PRKCE: variants seen among roughly 807,000 people sequenced by gnomAD.
PRKCE encodes protein kinase C epsilon, also known as protein kinase C epsilon type.
In PRKCE, 16 loss-of-function variants were observed where a neutral mutation model predicts 85.4. The observed-to-expected ratio is 0.19, with a 90% CI of 0.13 to 0.28. PRKCE has a LOEUF of 0.28. Ranked by LOEUF, PRKCE falls within the 10% of genes least tolerant of loss-of-function variation. PRKCE has a pLI of 1.00. For missense variants in PRKCE, 573 were observed against 975.2 expected (o/e 0.59, Z 5.49); for synonymous variants, 388 against 371.5 (o/e 1.04, Z -0.51).
intron 1 of PRKCE, among the ~76,000 whole-genome samples, chr2:45,752,054 T>A (rs1558632713): frequency 1.3e-5 from 2 of 151,192 alleles, no homozygotes; most frequent in Non-Finnish European, 2.9e-5. Flanking sequence ...GCTGACCTCG[T>A]GATCCGCCCG....
chr2:45,821,271 G>A (rs572113231), intron 1 of PRKCE, among the ~76,000 whole-genome samples: 1 of 152,334 alleles, frequency 6.6e-6, no homozygotes, highest in South Asian at 2.1e-4. Context: ...TACAAGTGGA[G>A]GTAATTATCT....
intron 2 of PRKCE, among the ~76,000 whole-genome samples, chr2:45,846,729 G>C (rs999848603): frequency 1.3e-5 from 2 of 152,176 alleles, no homozygotes; most frequent in African/African-American, 2.4e-5. Flanking sequence ...TTCAGACCTG[G>C]ATTGAAATCC....
At chr2:45,971,703 G>T (rs1022802344) in intron 2 of PRKCE, among the ~76,000 whole-genome samples, 2 of 152,196 alleles carry the variant, frequency 1.3e-5, no homozygotes, top group African/African-American at 4.8e-5. Flanking sequence ...ATACAAAGAA[G>T]CACAAGGAGA....
intron 2 of PRKCE, among the ~76,000 whole-genome samples, chr2:45,872,163 G>A (rs186199889): frequency 6.6e-6 from 1 of 152,262 alleles, no homozygotes; most frequent in Admixed American, 6.5e-5. Flanking sequence ...GATATGAACT[G>A]TAGGGGGTGG....
At chr2:45,965,144 G>A (rs557733443) in intron 2 of PRKCE, among the ~76,000 whole-genome samples, 2 of 152,286 alleles carry the variant, frequency 1.3e-5, no homozygotes, top group East Asian at 1.9e-4. Flanking sequence ...AGATAGCATC[G>A]AATAATCTCT....
chr2:46,159,440 A>T lies in PRKCE; in HGVS notation c.1921-166A>T, dbSNP rs1369631247. 4.6e-5 allele frequency among the ~76,000 whole-genome samples: 7 copies of T among 152,246 alleles called. No individual in the cohort carries two copies. The highest frequency in any genetic ancestry group is 1.7e-4 in the African/African-American group (7 of 41,466). ...TGGTGTCTGGGACATAGTCAATTCTATGTAAGAGTTAAAGAAAACCCAACA... is the reference window on the plus strand; with the variant it reads ...TGGTGTCTGGGACATAGTCAATTCTTTGTAAGAGTTAAAGAAAACCCAACA... On this transcript the variant is annotated intron_variant, in intron 13 of 14. Transcript: ENST00000306156. The surrounding 1 kb of genome is among the most constrained non-coding windows in gnomAD (Gnocchi z 4.1).
intron 10 of PRKCE, among the ~76,000 whole-genome samples, chr2:46,080,761 G>A (rs1250037228): frequency 6.6e-6 from 1 of 152,132 alleles, no homozygotes; most frequent in Non-Finnish European, 1.5e-5. Context: ...TCCTCAAGGA[G>A]CTGAACATCT....
At chr2:45,715,357 A>G (rs1165635962) in intron 1 of PRKCE, among the ~76,000 whole-genome samples, 2 of 152,200 alleles carry the variant, frequency 1.3e-5, no homozygotes, top group East Asian at 1.9e-4. Context: ...TGACCCCTTG[A>G]CACCCCTGAT....
intron 1 of PRKCE, among the ~76,000 whole-genome samples, chr2:45,830,047 T>C (rs1690281669): frequency 1.6e-5 from 2 of 124,528 alleles, no homozygotes; most frequent in Admixed American, 1.0e-4. Flanking sequence ...CACTCCAGCC[T>C]GGGCGACAGA....
chr2:46,053,518 T>G (rs1048816201), intron 10 of PRKCE, among the ~76,000 whole-genome samples: 37 of 152,178 alleles, frequency 2.4e-4, no homozygotes, highest in African/African-American at 8.4e-4. Context: ...CCTACCTCCT[T>G]CAGCCCCTGA....
intron 2 of PRKCE, among the ~76,000 whole-genome samples, chr2:45,958,635 C>A (rs1172536278): frequency 6.7e-6 from 1 of 149,994 alleles, no homozygotes; most frequent in Non-Finnish European, 1.5e-5. Flanking sequence ...ATGCTCCCTG[C>A]CATATATATT....
chr2:46,082,122 GC>G (rs1669138607), intron 10 of PRKCE, among the ~76,000 whole-genome samples: 1 of 152,024 alleles, frequency 6.6e-6, no homozygotes, highest in South Asian at 2.1e-4. Flanking sequence ...AGAGGAGGAA[GC>G]GGGGTGGGTT....
chr2:45,749,736 G>A (rs374242850), intron 1 of PRKCE, among the ~76,000 whole-genome samples: 3 of 152,214 alleles, frequency 2.0e-5, no homozygotes, highest in East Asian at 1.9e-4. Context: ...TTCACAGCTG[G>A]TAGATGATGG....
chr2:46,137,548 C>T (rs34606309), intron 11 of PRKCE, among the ~76,000 whole-genome samples: 34,618 of 148,628 alleles, frequency 0.23, 4,273 homozygotes, highest in Middle Eastern at 0.38. Flanking sequence ...GTCAGGAGTT[C>T]GAGACCAGCC....
chr2:45,771,656 A>G (rs1434205569), intron 1 of PRKCE, among the ~76,000 whole-genome samples: 6 of 150,966 alleles, frequency 4.0e-5, no homozygotes, highest in Non-Finnish European at 1.5e-5. Context: ...CCAGTTTTGT[A>G]CTTGCCTAAG....
chr2:45,757,449 G>A (rs893779695), intron 1 of PRKCE, among the ~76,000 whole-genome samples: 4 of 152,082 alleles, frequency 2.6e-5, no homozygotes, highest in African/African-American at 7.2e-5. Flanking sequence ...GGAGAATTGC[G>A]TGTGGACAGG....
intron 10 of PRKCE, among the ~76,000 whole-genome samples, chr2:46,069,700 G>C (rs181313271): frequency 6.6e-6 from 1 of 152,182 alleles, no homozygotes; most frequent in South Asian, 2.1e-4. Context: ...AATAAAATTA[G>C]CACAAATTTT....
chr2:45,988,954 C>T (rs905934084), intron 6 of PRKCE, among the ~76,000 whole-genome samples: 8 of 152,278 alleles, frequency 5.3e-5, no homozygotes, highest in East Asian at 1.9e-4. Flanking sequence ...GGCAGAGACA[C>T]CCAATACCCT....
chr2:45,659,706 A>G (rs1354278914), intron 1 of PRKCE, among the ~76,000 whole-genome samples: 1 of 151,944 alleles, frequency 6.6e-6, no homozygotes, highest in African/African-American at 2.4e-5. Flanking sequence ...ATTTTTTTAG[A>G]ATGCCCTTTT....
Sources: gnomAD v4.1 joint callset for allele counts (sites outside exome capture counted in the v4.1 genomes callset) on GRCh38, gnomAD v4.1.1 for gene constraint, Gnocchi (gnomAD v3.1) non-coding constraint, MANE v1.5 for transcripts, NCBI Gene and HGNC (gene_info 2026-07-23, HGNC 2026-07-21) for gene names.